Variants in RBFOX1 observed in about 807,000 individuals in gnomAD.
RBFOX1 encodes RNA binding protein fox-1 homolog 1.
RBFOX1 carries 8 observed loss-of-function variants against 57.7 expected under a neutral mutation model. The observed-to-expected ratio is 0.14, with a 90% confidence interval of 0.08 to 0.25. The LOEUF (loss-of-function observed/expected upper bound fraction) is 0.25, where lower values mean the gene tolerates loss of function less well. Ranked by LOEUF, RBFOX1 falls within the 10% of genes least tolerant of loss-of-function variation. RBFOX1 has a pLI of 1.00. For missense variants in RBFOX1, 611 were observed against 548.5 expected (o/e 1.11, Z -1.14); for synonymous variants, 326 against 222.4 (o/e 1.47, Z -4.15).
At chr16:5,800,914 A>G (rs2055035610) in intron 3 of RBFOX1, among the ~76,000 whole-genome samples, 1 of 152,122 alleles carries the variant, frequency 6.6e-6, no homozygotes, top group African/African-American at 2.4e-5. Context: ...TCCCTGCCAC[A>G]TGAGGACAGA....
At chr16:6,405,428 C>T (rs533884233) in intron 2 of RBFOX1, among the ~76,000 whole-genome samples, 1 of 152,268 alleles carries the variant, frequency 6.6e-6, no homozygotes, top group African/African-American at 2.4e-5. Context: ...CTCAGGGACT[C>T]AGGCTATGGA....
intron 3 of RBFOX1, among the ~76,000 whole-genome samples, chr16:7,032,077 G>A (rs573688340): frequency 1.3e-5 from 2 of 152,050 alleles, no homozygotes; most frequent in Non-Finnish European, 2.9e-5. Context: ...AGCAACTTTC[G>A]GATGGCCGTA....
chr16:6,574,147 C>T (rs1028278232), intron 2 of RBFOX1, among the ~76,000 whole-genome samples: 1 of 152,142 alleles, frequency 6.6e-6, no homozygotes, highest in Non-Finnish European at 1.5e-5. Context: ...GGTTTCCATT[C>T]TGGCCTTGCG....
At chr16:7,383,702 T>A (rs1356465864) in intron 4 of RBFOX1, among the ~76,000 whole-genome samples, 3 of 152,194 alleles carry the variant, frequency 2.0e-5, no homozygotes, top group Non-Finnish European at 4.4e-5. Flanking sequence ...CCATTCTGTA[T>A]ATTAAACGCC....
intron 2 of RBFOX1, among the ~76,000 whole-genome samples, chr16:6,625,780 GA>G (rs2098296883): frequency 6.6e-6 from 1 of 152,074 alleles, no homozygotes; most frequent in Non-Finnish European, 1.5e-5. Flanking sequence ...CATTAAATTA[GA>G]GCCTCTATAG....
chr16:7,672,740 G>T (rs990316732), intron 13 of RBFOX1, among the ~76,000 whole-genome samples: 20 of 151,794 alleles, frequency 1.3e-4, no homozygotes, highest in Non-Finnish European at 2.4e-4. Flanking sequence ...GGTGGCACAT[G>T]CCTGCAGTCC....
intron 4 of RBFOX1, among the ~76,000 whole-genome samples, chr16:7,203,625 C>G (rs2089226427): frequency 6.6e-6 from 1 of 152,216 alleles, no homozygotes; most frequent in Non-Finnish European, 1.5e-5. Context: ...TCAGCTGGCA[C>G]AGCTTTGTCC....
intron 14 of RBFOX1, among the ~76,000 whole-genome samples, chr16:7,708,127 C>T (rs953597157): frequency 6.6e-6 from 1 of 152,058 alleles, no homozygotes; most frequent in African/African-American, 2.4e-5. Context: ...CTACTTGAAC[C>T]CTGGAGTTTT....
At chr16:5,779,928 GT>G (rs1475660410) in intron 3 of RBFOX1, among the ~76,000 whole-genome samples, 2 of 152,166 alleles carry the variant, frequency 1.3e-5, no homozygotes, top group Non-Finnish European at 2.9e-5. Context: ...TGATCTGAGA[GT>G]TTTCGAAAAT....
chr16:7,563,332 A>T (rs1034961663), intron 5 of RBFOX1, among the ~76,000 whole-genome samples: 1 of 152,208 alleles, frequency 6.6e-6, no homozygotes, highest in African/African-American at 2.4e-5. Context: ...AAAGGTAATG[A>T]GACAGAGAGG....
At chr16:6,468,335 A>C (rs769645632) in intron 2 of RBFOX1, among the ~76,000 whole-genome samples, 39 of 152,190 alleles carry the variant, frequency 2.6e-4, no homozygotes, top group Non-Finnish European at 5.0e-4. Flanking sequence ...TTCATCATAG[A>C]ACTTTAAGCT....
At chr16:7,560,704 G>A (rs565239468) in intron 5 of RBFOX1, among the ~76,000 whole-genome samples, 1 of 152,188 alleles carries the variant, frequency 6.6e-6, no homozygotes, top group Non-Finnish European at 1.5e-5. Context: ...ACAGCATCAT[G>A]TCTACCACCC....
intron 4 of RBFOX1, among the ~76,000 whole-genome samples, chr16:7,254,669 C>G (rs935248069): frequency 5.3e-5 from 8 of 152,008 alleles, no homozygotes; most frequent in African/African-American, 1.9e-4. Context: ...GAGGTGAAAG[C>G]CATTCAAATC....
intron 1 of RBFOX1, among the ~76,000 whole-genome samples, chr16:5,441,100 T>C (rs1031951135): frequency 1.3e-5 from 2 of 152,110 alleles, no homozygotes; most frequent in African/African-American, 4.8e-5. Context: ...CCTAGAATAA[T>C]GTGGTTTGGA....
At chr16:5,348,231 C>T (rs11860085) in intron 1 of RBFOX1, among the ~76,000 whole-genome samples, 3,304 of 152,050 alleles carry the variant, frequency 0.022, 110 homozygotes, top group African/African-American at 0.076. Flanking sequence ...CTCATCTACC[C>T]ACCCATCTGT....
intron 4 of RBFOX1, among the ~76,000 whole-genome samples, chr16:7,152,051 A>G (rs757013951): frequency 9.9e-5 from 15 of 152,172 alleles, no homozygotes; most frequent in Admixed American, 6.5e-4. Flanking sequence ...CCCCTGCTCT[A>G]GAGTATATTG....
At chr16:5,468,604 G>A (rs957206805) in intron 2 of RBFOX1, among the ~76,000 whole-genome samples, 6 of 152,156 alleles carry the variant, frequency 3.9e-5, no homozygotes, top group Non-Finnish European at 5.9e-5. Flanking sequence ...ATGGACACAC[G>A]ACTTCACAGT....
chr16:7,444,549 T>C (rs1178097200), intron 4 of RBFOX1, among the ~76,000 whole-genome samples: 2 of 152,124 alleles, frequency 1.3e-5, no homozygotes, highest in African/African-American at 4.8e-5. Flanking sequence ...GCCTTTTTTT[T>C]TGAGACAGGG....
intron 3 of RBFOX1, among the ~76,000 whole-genome samples, chr16:5,755,393 C>A (rs6500717): frequency 0.29 from 43,898 of 152,018 alleles, 6,705 homozygotes; most frequent in East Asian, 0.56. Context: ...TGGGTGAGGC[C>A]AAGACTGGGA....
Sources: gnomAD v4.1 joint callset for allele counts (sites outside exome capture counted in the v4.1 genomes callset) on GRCh38, gnomAD v4.1.1 for gene constraint, MANE v1.5 for transcripts, NCBI Gene and HGNC (gene_info 2026-07-23, HGNC 2026-07-21) for gene names.